The following SCTR variants were observed in gnomAD, a reference collection of about 807,000 sequenced individuals.
SCTR encodes the protein secretin receptor.
In SCTR, 56 loss-of-function variants were observed where a neutral mutation model predicts 60.8. The ratio of observed to expected loss-of-function variants is 0.92; its 90% CI spans 0.74 to 1.15. SCTR has a LOEUF of 1.15. Among genes scored for constraint, SCTR ranks in the 50% most tolerant of loss-of-function variants. SCTR has a pLI of 0.00. For synonymous variants in SCTR, 202 were observed against 217.0 expected, an observed-to-expected ratio of 0.93 and a Z score of 0.61; for missense variants, 562 against 550.4, an observed-to-expected ratio of 1.02 and a Z score of -0.21.
chr2:119,519,856 AAAAAAGAAAAAAAAAC>A (rs1208110846), intron 1 of SCTR, among the ~76,000 whole-genome samples: 2 of 150,850 alleles, frequency 1.3e-5, no homozygotes, highest in Non-Finnish European at 3.0e-5. Flanking sequence ...ACAAAGAAAA[AAAAAAGAAAAAAAAAC>A]AAAAAAGAAG....
intron 12 of SCTR, among the ~76,000 whole-genome samples, chr2:119,441,171 T>A (rs973740949): frequency 1.3e-5 from 2 of 152,190 alleles, no homozygotes; most frequent in Admixed American, 6.5e-5. Context: ...GGGCAGTGAC[T>A]GAGATCGCCC....
At position 119,477,292 on chromosome 2, in the gene SCTR, TGTGTGGTCCTCCGA is replaced by T. The variant is rs1158752436; in HGVS notation, c.301+1505_301+1518del. 2.6e-5 allele frequency among the ~76,000 whole-genome samples: 4 copies of T among 152,310 alleles called. No individual in the cohort carries two copies. The East Asian group carries it at 7.7e-4, about 29-fold the overall frequency. On this transcript the variant is annotated intron_variant, in intron 3 of 12. Transcript: ENST00000019103. Reference sequence around the variant, plus strand: ...AGGCCCGCCCCTTATGAACCTCTGCTGTGTGGTCCTCCGAGTTCTTTCCTCTCCGCCAGTCAGCC... The same window carrying T: ...AGGCCCGCCCCTTATGAACCTCTGCTGTTCTTTCCTCTCCGCCAGTCAGCC...
intron 1 of SCTR, among the ~76,000 whole-genome samples, chr2:119,506,730 C>G (rs1177602062): frequency 6.6e-6 from 1 of 152,156 alleles, no homozygotes; most frequent in Non-Finnish European, 1.5e-5. Context: ...CCTGCCTCAG[C>G]CTCTCAAAGT....
At chr2:119,458,019 T>A (rs896073928) in intron 7 of SCTR, among the ~76,000 whole-genome samples, 5 of 151,876 alleles carry the variant, frequency 3.3e-5, no homozygotes, top group Non-Finnish European at 5.9e-5. Context: ...TTGGGCTGGG[T>A]GTGGTGGCTC....
At position 119,503,541 on chromosome 2, in the gene SCTR, T is replaced by G. The variant is rs151241772; in HGVS notation, c.73-8993A>C. ...ACAGAGTGAGAAATAAATCATTCAA[T>G]AAATTACATACTATATAATCTCAAC... On this transcript the variant is annotated intron_variant, in intron 1 of 12. Coordinates refer to ENST00000019103, the MANE Select transcript of SCTR (RefSeq NM_002980.3). Among the ~76,000 whole-genome samples, 208 of 152,206 alleles carry G rather than the reference T, an allele frequency of 1.4e-3. 2 individuals carry two copies. Among genetic ancestry groups the G allele is most frequent in the African/African-American group, 4.6e-3 (193 of 41,512 alleles).
chr2:119,508,093 G>C (rs533332272), intron 1 of SCTR, among the ~76,000 whole-genome samples: 2 of 152,186 alleles, frequency 1.3e-5, no homozygotes, highest in South Asian at 4.2e-4. Context: ...TGCAACTAAG[G>C]CGTGCCCATG....
At chr2:119,490,539 A>AT (rs1014689860) in intron 2 of SCTR, among the ~76,000 whole-genome samples, 1 of 152,278 alleles carries the variant, frequency 6.6e-6, no homozygotes. Context: ...TACATGTGTG[A>AT]TTTTTTATCT....
intron 7 of SCTR, among the ~76,000 whole-genome samples, chr2:119,458,128 T>C (rs1242830260): frequency 1.3e-5 from 2 of 150,012 alleles, no homozygotes; most frequent in African/African-American, 2.5e-5. Flanking sequence ...ACACTGTCTC[T>C]ACAAAAAATA....
At chr2:119,501,781 G>C (rs185732491) in intron 1 of SCTR, among the ~76,000 whole-genome samples, 2 of 151,840 alleles carry the variant, frequency 1.3e-5, no homozygotes, top group Admixed American at 6.6e-5. Flanking sequence ...ATACAAAGAA[G>C]AAGAAGAAGA....
intron 1 of SCTR, among the ~76,000 whole-genome samples, chr2:119,518,284 G>T (rs1193245480): frequency 6.6e-6 from 1 of 151,430 alleles, no homozygotes; most frequent in Admixed American, 6.5e-5. Context: ...AGGGCAAGAT[G>T]TTGGTTAGAA....
intron 1 of SCTR, among the ~76,000 whole-genome samples, chr2:119,508,418 G>A (rs371612675): frequency 1.1e-4 from 11 of 98,306 alleles, no homozygotes; most frequent in East Asian, 1.1e-3. Context: ...TGGCAATCTC[G>A]CTCTGTTGCC....
intron 3 of SCTR, among the ~76,000 whole-genome samples, chr2:119,475,261 C>A (rs1677220910): frequency 6.6e-6 from 1 of 152,144 alleles, no homozygotes; most frequent in Non-Finnish European, 1.5e-5. Context: ...GATGGGAAAG[C>A]AAGTTAAGGG....
chr2:119,506,878 A>G (rs1478811512), intron 1 of SCTR, among the ~76,000 whole-genome samples: 2 of 152,192 alleles, frequency 1.3e-5, no homozygotes, highest in Non-Finnish European at 2.9e-5. Flanking sequence ...GGAAATAACT[A>G]TAATAGGGCA....
At chr2:119,440,333 A>C in intron 12 of SCTR, 76 bp from the exon 13 acceptor site, 8 of 1,508,100 alleles carry the variant, frequency 5.3e-6, no homozygotes, top group East Asian at 4.7e-5. Context: ...TCCCCCAGTG[A>C]CTCCACGCAG....
intron 7 of SCTR, among the ~76,000 whole-genome samples, chr2:119,459,789 C>T (rs1302921742): frequency 6.6e-6 from 1 of 152,156 alleles, no homozygotes; most frequent in Non-Finnish European, 1.5e-5. Flanking sequence ...CTTTGTAATC[C>T]CTGAACACAG....
At chr2:119,521,398 G>T (rs1679282303) in intron 1 of SCTR, among the ~76,000 whole-genome samples, 1 of 152,168 alleles carries the variant, frequency 6.6e-6, no homozygotes, top group East Asian at 1.9e-4. Flanking sequence ...AGACTCTAGG[G>T]ATGAAAGATG....
At chr2:119,478,084 A>G (rs1677415393) in intron 3 of SCTR, among the ~76,000 whole-genome samples, 1 of 152,168 alleles carries the variant, frequency 6.6e-6, no homozygotes, top group African/African-American at 2.4e-5. Context: ...TAAATCACCT[A>G]TTCTTGTTCA....
chr2:119,446,954 A>G, intron 10 of SCTR, 69 bp from the exon 11 acceptor site: 1 of 1,333,338 alleles, frequency 7.5e-7, no homozygotes, highest in East Asian at 2.8e-5. Flanking sequence ...GTAGGCACAC[A>G]GCTGTGCCAC....
rs868628667 is a variant in SCTR at position 119,482,882 on chromosome 2, G to A, written c.194-3964C>T. ...GACCCAGAGCCCTCTTTCCCTGTGC[G>A]GCCGTCTCAGGGTTGCAGCAGGATG... On this transcript the variant is annotated intron_variant, in intron 2 of 12. Coordinates refer to ENST00000019103, the MANE Select transcript of SCTR (RefSeq NM_002980.3). Among the ~76,000 whole-genome samples, 154 of 152,346 alleles carry A rather than the reference G, an allele frequency of 1.0e-3. 1 individual carries two copies. The highest frequency in any genetic ancestry group is 3.4e-3 in the African/African-American group (142 of 41,584).
Sources: allele counts gnomAD v4.1 joint callset (sites outside exome capture counted in the v4.1 genomes callset), GRCh38; gene constraint gnomAD v4.1.1; transcripts MANE v1.5; gene names NCBI Gene and HGNC (gene_info 2026-07-23, HGNC 2026-07-21).